The following MBD5 variants were observed in gnomAD, a reference collection of about 807,000 sequenced individuals.
MBD5 encodes methyl-CpG-binding domain protein 5.
A neutral mutation model predicts 117.3 loss-of-function variants in MBD5; 13 were observed. The ratio of observed to expected loss-of-function variants is 0.11; its 90% CI spans 0.07 to 0.18. The LOEUF (loss-of-function observed/expected upper bound fraction) is 0.18, where lower values mean the gene tolerates loss of function less well. MBD5 is among the 10% of genes least tolerant of loss of function. The probability of loss-of-function intolerance (pLI) is 1.00; values close to 1 mark genes in which losing one functional copy is unlikely to be tolerated. For missense variants in MBD5, 1,879 were observed against 2,093.8 expected, an observed-to-expected ratio of 0.90 and a Z score of 2.00; for synonymous variants, 727 against 766.4, an observed-to-expected ratio of 0.95 and a Z score of 0.85.
chr2:148,434,412 T>C (rs1391326227), intron 4 of MBD5, among the ~76,000 whole-genome samples: 1 of 152,180 alleles, frequency 6.6e-6, no homozygotes, highest in African/African-American at 2.4e-5. Flanking sequence ...TGTCTTTTGC[T>C]AGCTTTGGGG....
chr2:148,322,153 T>G (rs1351895184), intron 3 of MBD5, among the ~76,000 whole-genome samples: 1 of 152,206 alleles, frequency 6.6e-6, no homozygotes, highest in African/African-American at 2.4e-5. Flanking sequence ...TTCTACAGTG[T>G]AAAGTGATAT....
chr2:148,473,433 A>G (rs1215098283), intron 8 of MBD5, among the ~76,000 whole-genome samples: 1 of 152,136 alleles, frequency 6.6e-6, no homozygotes, highest in Admixed American at 6.6e-5. Context: ...AACAGGTAAC[A>G]TGGTCCAACT....
In MBD5 at chr2:148,502,330, C is replaced by T. The variant is rs1247477278; in HGVS notation, c.4963-106C>T. On this transcript the variant is annotated intron_variant, in intron 11 of 13. Transcript: ENST00000642680. ...TGACAAGGTAGTGAAGGTTAAGGCT[C>T]CCCTCCCCGCCAGTGCAGCACCTGC... The T allele has an allele frequency of 1.3e-5, 12 of 957,036 alleles. No homozygotes were observed. The East Asian group carries it at 2.8e-4, about 22-fold the overall frequency. 59.3% of individuals were successfully genotyped at this position (957,036 alleles called of 1,614,324 possible).
At chr2:148,474,802 T>C (rs1200450881) in intron 8 of MBD5, among the ~76,000 whole-genome samples, 1 of 152,144 alleles carries the variant, frequency 6.6e-6, no homozygotes, top group Non-Finnish European at 1.5e-5. Context: ...GCCATTAATA[T>C]GGTAGGTATA....
intron 3 of MBD5, among the ~76,000 whole-genome samples, chr2:148,339,585 A>C (rs1036599856): frequency 1.3e-5 from 2 of 152,092 alleles, no homozygotes; most frequent in African/African-American, 4.8e-5. Flanking sequence ...ACAGTACAAC[A>C]CACAGTCAAC....
At chr2:148,060,132 C>CAAAAAAAGAAAAAA (rs1694987067) in intron 1 of MBD5, among the ~76,000 whole-genome samples, 1 of 14,042 alleles carries the variant, frequency 7.1e-5, no homozygotes, top group Non-Finnish European at 1.1e-4. Context: ...ACAAAAAGTG[C>CAAAAAAAGAAAAAA]AAAAAAAAAA....
intron 1 of MBD5, among the ~76,000 whole-genome samples, chr2:148,036,012 A>G (rs1470759863): frequency 6.6e-6 from 1 of 152,184 alleles, no homozygotes; most frequent in Non-Finnish European, 1.5e-5. Flanking sequence ...TAACTTGGTA[A>G]TATTTCATTT....
intron 1 of MBD5, among the ~76,000 whole-genome samples, chr2:148,058,954 A>C (rs1694949562): frequency 6.6e-6 from 1 of 152,192 alleles, no homozygotes; most frequent in African/African-American, 2.4e-5. Flanking sequence ...GAACACAATG[A>C]AAGTGTTTTA....
intron 1 of MBD5, among the ~76,000 whole-genome samples, chr2:148,096,965 A>C (rs1193175579): frequency 1.3e-5 from 2 of 152,142 alleles, no homozygotes; most frequent in South Asian, 2.1e-4. Flanking sequence ...TTCAAAATGT[A>C]AGTTGAACAG....
intron 4 of MBD5, among the ~76,000 whole-genome samples, chr2:148,389,251 CATATAT>C (rs70995314): frequency 0.019 from 618 of 32,066 alleles, 19 homozygotes; most frequent in Non-Finnish European, 0.025. Context: ...GAAAAAAAAA[CATATAT>C]ATATATATAT....
intron 3 of MBD5, among the ~76,000 whole-genome samples, chr2:148,292,502 C>T (rs886149783): frequency 5.3e-5 from 8 of 152,016 alleles, no homozygotes; most frequent in African/African-American, 1.5e-4. Context: ...AAATGCAAAT[C>T]GAGACTACAA....
At chr2:148,202,468 A>G (rs549395780) in intron 2 of MBD5, among the ~76,000 whole-genome samples, 2 of 152,282 alleles carry the variant, frequency 1.3e-5, no homozygotes, top group South Asian at 4.1e-4. Context: ...GAGGCTCAAC[A>G]AGAAATCTAG....
At chr2:148,415,400 T>C (rs79668118) in intron 4 of MBD5, among the ~76,000 whole-genome samples, 20,916 of 152,176 alleles carry the variant, frequency 0.14, 1,674 homozygotes, top group Middle Eastern at 0.19. Flanking sequence ...CCTTTAACAT[T>C]TCTTCCTTCA....
chr2:148,271,456 T>C (rs1201752984), intron 3 of MBD5, among the ~76,000 whole-genome samples: 1 of 152,202 alleles, frequency 6.6e-6, no homozygotes, highest in Non-Finnish European at 1.5e-5. Context: ...AATTATTCCA[T>C]GTTTTCGTGC....
Position 148,483,008 on chromosome 2 carries a change from A to T in MBD5, c.2519-102A>T, listed in dbSNP as rs1008868709. On this transcript the variant is annotated intron_variant, in intron 8 of 13. Coordinates refer to ENST00000642680, the MANE Select transcript of MBD5 (RefSeq NM_001378120.1). The stretch of plus-strand genomic sequence containing the variant: ...GTTACAATCAATGAAGGTGCCATGG[A>T]ACAAATAAATTTAAATTTATGTTAA... The T allele has an allele frequency of 1.3e-5, 17 of 1,336,804 alleles. No homozygotes were observed. In the African/African-American group the frequency reaches 2.3e-4, roughly 18 times the overall value. 82.8% of individuals were successfully genotyped at this position (1,336,804 alleles called of 1,614,324 possible). A position where few individuals can be genotyped will look rare whatever the true frequency, so the allele number is the denominator to read the frequency against.
intron 2 of MBD5, among the ~76,000 whole-genome samples, chr2:148,216,490 A>G (rs755149418): frequency 3.3e-5 from 5 of 152,172 alleles, no homozygotes; most frequent in Non-Finnish European, 7.4e-5. Flanking sequence ...CAACTTCATG[A>G]CTTCTAAAAT....
At position 148,108,615 on chromosome 2, in the gene MBD5, G is replaced by A. The variant is rs770468691; in HGVS notation, c.-924-70085G>A. Among the ~76,000 whole-genome samples, 7 of 151,904 alleles carry A rather than the reference G, an allele frequency of 4.6e-5. 1 individual carries two copies. The South Asian group carries it at 6.2e-4, about 14-fold the overall frequency. On this transcript the variant is annotated intron_variant, in intron 1 of 13. Coordinates refer to ENST00000642680, the MANE Select transcript of MBD5 (RefSeq NM_001378120.1). ...TCTCAAGGTGAAAAACGATTTAAGTGCTTGCCGTACCACTTTCAGTACCAG... is the reference window on the plus strand; with the variant it reads ...TCTCAAGGTGAAAAACGATTTAAGTACTTGCCGTACCACTTTCAGTACCAG...
chr2:148,368,820 T>C (rs1703774275), intron 4 of MBD5, among the ~76,000 whole-genome samples: 1 of 152,094 alleles, frequency 6.6e-6, no homozygotes, highest in Admixed American at 6.5e-5. Context: ...TAGAAAATGA[T>C]TTTATAACTC....
At chr2:148,395,854 G>C (rs950435707) in intron 4 of MBD5, among the ~76,000 whole-genome samples, 1 of 152,150 alleles carries the variant, frequency 6.6e-6, no homozygotes, top group African/African-American at 2.4e-5. Flanking sequence ...AGAGCTGTGG[G>C]CAGGGTATTT....
Sources: allele counts gnomAD v4.1 joint callset (sites outside exome capture counted in the v4.1 genomes callset), GRCh38; gene constraint gnomAD v4.1.1; transcripts MANE v1.5; gene names NCBI Gene and HGNC (gene_info 2026-07-23, HGNC 2026-07-21).